SLC8A3: variants seen among roughly 807,000 people sequenced by gnomAD.
The protein encoded by SLC8A3 is sodium/calcium exchanger 3.
A neutral mutation model predicts 65.4 loss-of-function variants in SLC8A3; 37 were observed. The observed-to-expected ratio is 0.57, with a 90% CI of 0.44 to 0.74. The LOEUF is 0.74. Ranked by LOEUF, SLC8A3 falls within the 30% of genes least tolerant of loss-of-function variation. The pLI is 0.00. For missense variants in SLC8A3, 1,112 were observed against 1,172.1 expected (o/e 0.95, Z 0.75); for synonymous variants, 461 against 444.5 (o/e 1.04, Z -0.47).
chr14:70,060,648 G>T (rs1888679909), intron 3 of SLC8A3, 188 bp downstream of exon 3: 3 of 733,326 alleles, frequency 4.1e-6, no homozygotes, highest in Non-Finnish European at 7.5e-6. Flanking sequence ...TACCGAAACA[G>T]GGTGAGAGCG....
intron 2 of SLC8A3, among the ~76,000 whole-genome samples, chr14:70,098,960 C>T (rs914818977): frequency 2.6e-5 from 4 of 152,110 alleles, no homozygotes; most frequent in South Asian, 4.1e-4. Context: ...CACGGTTCTC[C>T]GGGCTGCTAG....
intron 2 of SLC8A3, among the ~76,000 whole-genome samples, chr14:70,160,430 G>A (rs1896816310): frequency 1.3e-5 from 2 of 152,070 alleles, no homozygotes; most frequent in Non-Finnish European, 1.5e-5. Context: ...ATTCTGTCCC[G>A]AAATAAATAA....
At chr14:70,126,570 T>TCTCTCTCTCTCTCACA (rs1385909771) in intron 2 of SLC8A3, among the ~76,000 whole-genome samples, 22 of 117,112 alleles carry the variant, frequency 1.9e-4, no homozygotes, top group African/African-American at 5.1e-4. Context: ...TCTCTCTCTC[T>TCTCTCTCTCTCTCACA]CACACACACA....
At chr14:70,135,315 T>C (rs531912795) in intron 2 of SLC8A3, among the ~76,000 whole-genome samples, 11 of 152,244 alleles carry the variant, frequency 7.2e-5, no homozygotes, top group East Asian at 3.9e-4. Flanking sequence ...ACAGCCACCA[T>C]GGAAAAAAAG....
chr14:70,156,701 G>A (rs920260931), intron 2 of SLC8A3, among the ~76,000 whole-genome samples: 11 of 152,188 alleles, frequency 7.2e-5, no homozygotes, highest in African/African-American at 2.7e-4. Context: ...AGGATAAAGA[G>A]GGGGTGCCTG....
chr14:70,121,976 C>T (rs1369000413), intron 2 of SLC8A3, among the ~76,000 whole-genome samples: 1 of 152,152 alleles, frequency 6.6e-6, no homozygotes, highest in Non-Finnish European at 1.5e-5. Flanking sequence ...CCAATATTCA[C>T]TCCAAATGAT....
chr14:70,076,180 C>G (rs1214897881), intron 2 of SLC8A3, among the ~76,000 whole-genome samples: 1 of 152,242 alleles, frequency 6.6e-6, no homozygotes, highest in Non-Finnish European at 1.5e-5. Flanking sequence ...CTGCCTGGAG[C>G]TTTCCTTCTC....
chr14:70,187,386 C>G (rs1173938670), intron 1 of SLC8A3, among the ~76,000 whole-genome samples: 1 of 151,488 alleles, frequency 6.6e-6, no homozygotes, highest in African/African-American at 2.4e-5. Context: ...ATTTATGGTA[C>G]TGCATTAAAG....
chr14:70,107,507 A>C (rs1444426335), intron 2 of SLC8A3, among the ~76,000 whole-genome samples: 1 of 152,128 alleles, frequency 6.6e-6, no homozygotes, highest in Non-Finnish European at 1.5e-5. Flanking sequence ...TGCCCTGTGC[A>C]CAAAGCCTTG....
chr14:70,153,868 G>A (rs1489484530), intron 2 of SLC8A3, among the ~76,000 whole-genome samples: 1 of 152,180 alleles, frequency 6.6e-6, no homozygotes, highest in Admixed American at 6.5e-5. Flanking sequence ...CATCAAAGGA[G>A]GTCCCCTGAT....
chr14:70,093,332 C>A (rs142723098), intron 2 of SLC8A3, among the ~76,000 whole-genome samples: 1 of 152,120 alleles, frequency 6.6e-6, no homozygotes, highest in Non-Finnish European at 1.5e-5. Context: ...TTTGTGTTTG[C>A]GTGGTGCACA....
intron 2 of SLC8A3, among the ~76,000 whole-genome samples, chr14:70,065,160 T>C (rs1889279783): frequency 6.6e-6 from 1 of 152,198 alleles, no homozygotes; most frequent in African/African-American, 2.4e-5. Flanking sequence ...CCTTTTTTTC[T>C]TTTTTATAAA....
At chr14:70,095,974 C>T (rs945414089) in intron 2 of SLC8A3, among the ~76,000 whole-genome samples, 4 of 152,190 alleles carry the variant, frequency 2.6e-5, no homozygotes, top group Admixed American at 6.5e-5. Flanking sequence ...CTCCACCTCC[C>T]GGGTTCAAGC....
At chr14:70,101,278 T>C (rs1354888486) in intron 2 of SLC8A3, among the ~76,000 whole-genome samples, 1 of 152,148 alleles carries the variant, frequency 6.6e-6, no homozygotes, top group Non-Finnish European at 1.5e-5. Context: ...GGGGATGAAA[T>C]ATAGACTGAC....
rs543368720 is a variant in SLC8A3 at position 70,113,702 on chromosome 14, T to C, written c.1785-52763A>G. Among the ~76,000 whole-genome samples the C allele has an allele frequency of 8.5e-5, 13 of 152,336 alleles. 1 individual carries two copies. The highest frequency in any genetic ancestry group is 3.1e-4 in the African/African-American group (13 of 41,582). On this transcript the variant is annotated intron_variant, in intron 2 of 6. Transcript: ENST00000356921. Reference sequence around the variant, plus strand: ...ATTAAAAATGAGGTGAATCACTAAATTGTTAACACTATAACCACAGGCTAA... The same window carrying C: ...ATTAAAAATGAGGTGAATCACTAAACTGTTAACACTATAACCACAGGCTAA...
At chr14:70,054,634 TGAA>T (rs1887878253) in intron 3 of SLC8A3, among the ~76,000 whole-genome samples, 1 of 151,778 alleles carries the variant, frequency 6.6e-6, no homozygotes, top group Non-Finnish European at 1.5e-5. Flanking sequence ...GGGAGAAGAA[TGAA>T]GAACAGAGGG....
chr14:70,120,328 G>C (rs763271854), intron 2 of SLC8A3, among the ~76,000 whole-genome samples: 1 of 152,208 alleles, frequency 6.6e-6, no homozygotes, highest in Non-Finnish European at 1.5e-5. Context: ...AGGGAAATTG[G>C]AGTGTTTAGT....
At chr14:70,140,847 T>C (rs1415006831) in intron 2 of SLC8A3, among the ~76,000 whole-genome samples, 2 of 152,218 alleles carry the variant, frequency 1.3e-5, no homozygotes, top group African/African-American at 4.8e-5. Flanking sequence ...AGTTTCCTTT[T>C]GCATATTGTT....
chr14:70,167,865 G>A lies in SLC8A3; in HGVS notation c.558C>T (p.Val186=). The change falls in exon 2 of 7, where the codon GTC becomes GTT. Residue 186 remains valine, a synonymous_variant. Coordinates refer to ENST00000356921, the MANE Select transcript of SLC8A3 (RefSeq NM_182932.3). ...GAGTCTCTCCGTCTGGGATCACGTA[G>A]ACACAGATGCCAATGATGATGAACA... ...FNMFIIIGIC[V]YVIPDGETRK... 2 of 1,614,146 alleles carry A rather than the reference G, an allele frequency of 1.2e-6. No homozygotes were observed. Among genetic ancestry groups the A allele is most frequent in the African/African-American group, 1.3e-5 (1 of 75,034 alleles).
Sources: allele counts gnomAD v4.1 joint callset (sites outside exome capture counted in the v4.1 genomes callset), GRCh38; gene constraint gnomAD v4.1.1; transcripts MANE v1.5; gene names NCBI Gene and HGNC (gene_info 2026-07-23, HGNC 2026-07-21).